ADGRG1: variants seen among roughly 807,000 people sequenced by gnomAD.
ADGRG1 encodes 7-transmembrane protein with no EGF-like N-terminal domains-1.
ADGRG1 carries 53 observed loss-of-function variants against 73.5 expected under a neutral mutation model. The ratio of observed to expected loss-of-function variants is 0.72; its 90% CI spans 0.58 to 0.91. The LOEUF is 0.91. ADGRG1 is among the 40% of genes least tolerant of loss of function. The pLI, the probability that ADGRG1 is intolerant of heterozygous loss-of-function variation, is 0.00. For synonymous variants in ADGRG1, 394 were observed against 374.4 expected (o/e 1.05, Z -0.60); for missense variants, 795 against 871.8 (o/e 0.91, Z 1.11).
rs1327719303 is a variant in ADGRG1, at chr16:57,652,600, A to G, written c.488-603A>G. On this transcript the variant is annotated intron_variant, in intron 3 of 13. Transcript: ENST00000562631. ...GGCCTGTAGAGGGTTTTTAAAAAAC[A>G]TGGACCAGGGATTTCAAATCACCTA... 4.1e-6 allele frequency: 4 copies of G among 984,352 alleles called. 1 individual carries two copies. The highest frequency in any genetic ancestry group is 1.0e-3 in the Middle Eastern group (2 of 1,912). The allele number at this position is 984,352 out of a possible 1,614,324, so 61.0% of individuals were successfully genotyped here.
At chr16:57,654,645 C>G (rs552929181) in intron 5 of ADGRG1, among the ~76,000 whole-genome samples, 22 of 152,084 alleles carry the variant, frequency 1.4e-4, no homozygotes, top group African/African-American at 5.3e-4. Context: ...TTTGGGAGGC[C>G]GAGGCAGGCA....
Position 57,651,511 on chromosome 16 carries a change from G to C in ADGRG1, c.376G>C (p.Glu126Gln), listed in dbSNP as rs747940489. 6.2e-7 allele frequency: 1 copy of C among 1,614,084 alleles called. No homozygotes were observed. Reference sequence around the variant, plus strand: ...TAGCCTCCTCTGCTTCCAGCACCAGGAGGAGAGCCTGGCTCAGGGCCCCCC... The same window carrying C: ...TAGCCTCCTCTGCTTCCAGCACCAGCAGGAGAGCCTGGCTCAGGGCCCCCC... ...ASSLLCFQHQ[E>Q]ESLAQGPPLL... The change falls in exon 3 of 14, where the codon GAG (glutamate) becomes CAG (glutamine). Residue 126 changes from glutamate (E) to glutamine (Q), a missense_variant. Glu to Gln is a conservative substitution (Grantham distance 29). Transcript: ENST00000562631.
chr16:57,635,922 A>G (rs371529199), intron 1 of ADGRG1: 13 of 985,224 alleles, frequency 1.3e-5, no homozygotes, highest in East Asian at 1.1e-4. Context: ...GGCCAAGTGC[A>G]TATCCTATGG....
chr16:57,637,514 C>T, intron 1 of ADGRG1: 1 of 985,424 alleles, frequency 1.0e-6, no homozygotes, highest in Non-Finnish European at 1.2e-6. Context: ...CCTTTAAGCA[C>T]AGGATCCTTT....
chr16:57,651,676 A>G (rs1597466875), intron 3 of ADGRG1, 54 bp downstream of exon 3: 2 of 1,569,162 alleles, frequency 1.3e-6, no homozygotes, highest in Non-Finnish European at 1.7e-6. Context: ...AGAGGCAGGG[A>G]AGGCAAAATG....
In ADGRG1 at chr16:57,663,704, C is replaced by T; in HGVS notation, c.*122C>T. 3.5e-6 allele frequency: 4 copies of T among 1,138,340 alleles called. No individual in the cohort carries two copies. The South Asian group carries it at 5.1e-5, about 15-fold the overall frequency. 70.5% of individuals were successfully genotyped at this position (1,138,340 alleles called of 1,614,324 possible). ...CCGCAGACTTTGGAAAGCCCAACGA[C>T]CATGGAGAGATGGGCCGTTGCCATG... is the stretch of plus-strand genomic sequence containing the variant. On this transcript the variant is annotated 3_prime_UTR_variant, in exon 14 of 14. Transcript: ENST00000562631.
chr16:57,662,495 G>T (rs1275617204), intron 13 of ADGRG1, among the ~76,000 whole-genome samples: 2 of 152,154 alleles, frequency 1.3e-5, no homozygotes, highest in South Asian at 2.1e-4. Context: ...GCAGCCTCTG[G>T]GCCACCCGGG....
At chr16:57,652,872 C>A (rs886786248) in intron 3 of ADGRG1, 1 of 1,179,600 alleles carries the variant, frequency 8.5e-7, no homozygotes, top group African/African-American at 1.6e-5. Context: ...CACCAAGCCC[C>A]GCACATCCCT....
chr16:57,634,547 A>G, intron 1 of ADGRG1: 1 of 880,836 alleles, frequency 1.1e-6, no homozygotes, highest in Non-Finnish European at 1.4e-6. Context: ...CATTTCACAG[A>G]TGAGGAATCA....
intron 1 of ADGRG1, chr16:57,634,002 C>A (rs189520389): frequency 4.7e-6 from 4 of 842,402 alleles, no homozygotes; most frequent in Non-Finnish European, 1.4e-6. Context: ...GGCTGGGGAG[C>A]TGAGCTGGAG....
chr16:57,628,466 G>A (rs1457441656), upstream of ADGRG1: 1 of 969,292 alleles, frequency 1.0e-6, no homozygotes, highest in Admixed American at 6.2e-5. Context: ...CAGGATCACT[G>A]CCTCAGCGCT....
chr16:57,627,698 C>T (rs770289281), upstream of ADGRG1: 3 of 676,282 alleles, frequency 4.4e-6, no homozygotes, highest in Non-Finnish European at 5.5e-6. Flanking sequence ...CCTCCCAGCA[C>T]ATCTGACTGA....
At chr16:57,653,500 G>A (rs767451209) in intron 4 of ADGRG1, 165 bp downstream of exon 4, 155 of 985,246 alleles carry the variant, frequency 1.6e-4, no homozygotes, top group Admixed American at 9.8e-4. Flanking sequence ...ATGCCCCCCA[G>A]GCTGAGCCCT....
At chr16:57,637,680 AGT>A in intron 1 of ADGRG1, 4 of 985,448 alleles carry the variant, frequency 4.1e-6, no homozygotes, top group Non-Finnish European at 4.8e-6. Flanking sequence ...CTGGGCCTGC[AGT>A]GAGACAATAG....
intron 2 of ADGRG1, chr16:57,621,883 C>T (rs2034895020): frequency 2.0e-6 from 2 of 984,412 alleles, no homozygotes; most frequent in East Asian, 2.3e-4. Context: ...AAGGCTGGGA[C>T]CCCTAGTTCA....
At position 57,663,672 on chromosome 16, in the gene ADGRG1, CAGT is replaced by C; in HGVS notation, c.*91_*93del. ...CCCCGAGCCCGGCCCAGCCCCAGGC[CAGT>C]CAGCCGCAGACTTTGGAAAGCCCAA... is the stretch of plus-strand genomic sequence containing the variant. On this transcript the variant is annotated 3_prime_UTR_variant, in exon 14 of 14. Coordinates refer to ENST00000562631, the MANE Select transcript of ADGRG1 (RefSeq NM_201525.4). The C allele has an allele frequency of 7.1e-7, 1 of 1,416,740 alleles. No homozygotes were observed. The highest frequency in any genetic ancestry group is 9.8e-7 in the Non-Finnish European group (1 of 1,016,152). The allele number at this position is 1,416,740 out of a possible 1,614,324, so 87.8% of individuals were successfully genotyped here.
Position 57,653,797 on chromosome 16 carries a change from C to T in ADGRG1, c.621-189C>T, listed in dbSNP as rs1041516101. The T allele has an allele frequency of 2.3e-5, 23 of 984,544 alleles. No homozygotes were observed. The East Asian group carries it at 9.1e-4, about 39-fold the overall frequency. 61.0% of individuals were successfully genotyped at this position (984,544 alleles called of 1,614,324 possible). On this transcript the variant is annotated intron_variant, in intron 4 of 13. Coordinates refer to ENST00000562631, the MANE Select transcript of ADGRG1 (RefSeq NM_201525.4). ...CCCAGCTCATTCTTTCTCTCCCACACGCAGATGCCTGCTTTTCTCTTTTGT... is the reference window on the plus strand; with the variant it reads ...CCCAGCTCATTCTTTCTCTCCCACATGCAGATGCCTGCTTTTCTCTTTTGT...
At chr16:57,661,224 G>A in intron 12 of ADGRG1, 1 of 931,074 alleles carries the variant, frequency 1.1e-6, no homozygotes, top group Non-Finnish European at 1.3e-6. Context: ...GGCTCAGGGA[G>A]GGAAGAGATC....
chr16:57,660,913 T>C, intron 12 of ADGRG1, 37 bp downstream of exon 12: 4 of 1,250,348 alleles, frequency 3.2e-6, no homozygotes, highest in Non-Finnish European at 4.7e-6. Context: ...AGAAGGTGGG[T>C]CTCTGGGCAC....
Sources: gnomAD v4.1 joint callset for allele counts (sites outside exome capture counted in the v4.1 genomes callset) on GRCh38, gnomAD v4.1.1 for gene constraint, MANE v1.5 for transcripts, NCBI Gene and HGNC (gene_info 2026-07-23, HGNC 2026-07-21) for gene names.